Variants in NRN1L observed in about 807,000 individuals in gnomAD.
NRN1L encodes the protein neuritin-like protein.
Under a neutral mutation model 8.8 loss-of-function variants are expected in NRN1L, and 12 were observed. The observed-to-expected ratio is 1.36, with a 90% CI of 0.87 to 2.20. NRN1L has a LOEUF of 2.20. Among genes scored for constraint, NRN1L ranks in the 30% most tolerant of loss-of-function variants. NRN1L has a pLI of 0.00. For synonymous variants in NRN1L, 114 were observed against 99.2 expected (o/e 1.15, Z -0.88); for missense variants, 266 against 232.4 (o/e 1.14, Z -0.94).
Position 67,886,286 on chromosome 16 carries a change from T to G in NRN1L, c.*27T>G, listed in dbSNP as rs1228397914. The G allele has an allele frequency of 1.9e-6, 3 of 1,551,706 alleles. No individual in the cohort carries two copies. In the Admixed American group the frequency reaches 5.5e-5, roughly 28 times the overall value. ...TTGTTGGGTTGGGTAGCAGCGCCCG[T>G]ACCTCCAGCCCTGCTCTGGCGGTGG... On this transcript the variant is annotated 3_prime_UTR_variant, in exon 3 of 3. Coordinates refer to ENST00000339176, the MANE Select transcript of NRN1L (RefSeq NM_198443.2).
intron 1 of NRN1L, chr16:67,885,489 C>T: frequency 1.9e-6 from 1 of 526,500 alleles, no homozygotes; most frequent in Non-Finnish European, 3.3e-6. Flanking sequence ...AAGAGCTGAC[C>T]TGGGGTACAC....
chr16:67,885,113 G>A, intron 1 of NRN1L, 131 bp downstream of exon 1: 2 of 731,196 alleles, frequency 2.7e-6, no homozygotes, highest in Non-Finnish European at 4.6e-6. Context: ...AAGGTGTGCT[G>A]GTGACTTCAG....
In NRN1L at chr16:67,886,148, A is replaced by C. The variant is rs757241838; in HGVS notation, c.387A>C (p.Glu129Asp). 1 of 1,610,920 alleles carries C rather than the reference A, an allele frequency of 6.2e-7. No homozygotes were observed. The highest frequency in any genetic ancestry group is 8.5e-7 in the Non-Finnish European group (1 of 1,179,702). Residue 129 changes from glutamate (E) to aspartate (D), a missense_variant, in exon 3 of 3, where the codon GAA becomes GAC. Transcript: ENST00000339176. ...TTCGGGAGCGCGGCACAGGCTCCGA[A>C]ACCAACCAGGAGACGCTGCGGGCTA... ...VHVRERGTGS[E>D]TNQETLRATA... is the part of the protein sequence containing the mutation.
chr16:67,885,204 G>A, intron 1 of NRN1L: 3 of 599,934 alleles, frequency 5.0e-6, no homozygotes, highest in Non-Finnish European at 8.9e-6. Flanking sequence ...GATAAAGGGA[G>A]ACATGCCAAT....
chr16:67,886,861 G>C (rs981197190), downstream of NRN1L, among the ~76,000 whole-genome samples: 5 of 152,172 alleles, frequency 3.3e-5, no homozygotes, highest in Admixed American at 3.3e-4. Flanking sequence ...GTCTATCTGA[G>C]GGAGGCCTGT....
At chr16:67,885,909 C>T in intron 2 of NRN1L, 55 bp downstream of exon 2, 1 of 1,582,786 alleles carries the variant, frequency 6.3e-7, no homozygotes. Flanking sequence ...GGGACTGAAC[C>T]TTTTATTTCC....
At position 67,885,840 on chromosome 16, in the gene NRN1L, G is replaced by A; in HGVS notation, c.198G>A (p.Leu66=). Residue 66 remains leucine, a synonymous_variant, in exon 2 of 3, where the codon CTG becomes CTA. Transcript: ENST00000339176. The stretch of plus-strand genomic sequence containing the variant: ...ACAGCATGGGCCGCGGAGGCGAGCT[G>A]GAGACCATCTGCAGGTACCGGCGGG... ...LGDSMGRGGE[L]ETICRSWNDF... 1.3e-6 allele frequency: 2 copies of A among 1,577,248 alleles called. No homozygotes were observed. The highest frequency in any genetic ancestry group is 1.7e-6 in the Non-Finnish European group (2 of 1,162,114).
In NRN1L at chr16:67,884,893, C is replaced by G. The variant is rs750287946; in HGVS notation, c.-11C>G. ...AAGCAGCTAGCTCCTGCACTAGGCT[C>G]TCAGCCAGGGATGATGCGCTGCTGC... is the stretch of plus-strand genomic sequence containing the variant. On this transcript the variant is annotated 5_prime_UTR_variant, in exon 1 of 3. Transcript: ENST00000339176. The surrounding 1 kb of genome is among the most constrained non-coding windows in gnomAD (Gnocchi z 4.1). 3 of 1,603,474 alleles carry G rather than the reference C, an allele frequency of 1.9e-6. No homozygotes were observed. The highest frequency in any genetic ancestry group is 2.5e-6 in the Non-Finnish European group (3 of 1,179,530).
Position 67,885,711 on chromosome 16 carries a change from C to G in NRN1L, c.80-11C>G. 1 of 1,504,310 alleles carries G rather than the reference C, an allele frequency of 6.6e-7. No individual in the cohort carries two copies. The highest frequency in any genetic ancestry group is 1.2e-5 in the South Asian group (1 of 83,764). 93.2% of individuals were successfully genotyped at this position (1,504,310 alleles called of 1,614,324 possible). ...CATTCCTTCCCCACCCCACCCCCGC[C>G]CCACTTCTAGTCCTTTTACCTCCCC... is the stretch of plus-strand genomic sequence containing the variant. On this transcript the variant is annotated splice_polypyrimidine_tract_variant and intron_variant, in intron 1 of 2. Transcript: ENST00000339176.
Position 67,886,244 on chromosome 16 carries a change from G to T in NRN1L, c.483G>T (p.Leu161=), listed in dbSNP as rs771250600. 1 of 1,593,632 alleles carries T rather than the reference G, an allele frequency of 6.3e-7. No homozygotes were observed. The highest frequency in any genetic ancestry group is 1.1e-5 in the South Asian group (1 of 89,882). The change falls in exon 3 of 3, where the codon CTG becomes CTT. Residue 161 remains leucine (L), a synonymous_variant. Coordinates refer to ENST00000339176, the MANE Select transcript of NRN1L (RefSeq NM_198443.2). ...CTGCTCTGGCTCTGGCCTACCTCCT[G>T]AGGCCTCTGGCCTAGCTTGTTGGGT... is the stretch of plus-strand genomic sequence containing the variant. ...LAAALALAYL[L]RPLA
chr16:67,887,335 C>T (rs1651538281), downstream of NRN1L, among the ~76,000 whole-genome samples: 1 of 151,648 alleles, frequency 6.6e-6, no homozygotes, highest in Admixed American at 6.6e-5. Flanking sequence ...TGCAGTGGCA[C>T]AATCTCGGCT....
rs1453380529 is a variant in NRN1L at position 67,885,847 on chromosome 16, AT to A, written c.206del (p.Ile69ThrfsTer93). 6.3e-6 allele frequency: 10 copies of A among 1,576,030 alleles called. No individual in the cohort carries two copies. In the East Asian group the frequency reaches 2.2e-4, roughly 35 times the overall value. ...GGGCCGCGGAGGCGAGCTGGAGACC[AT>A]CTGCAGGTACCGGCGGGTGTGAGGC... ...SMGRGGELET[I>X]CRSWNDFHAC... On this transcript the variant is annotated frameshift_variant, in exon 2 of 3. Coordinates refer to ENST00000339176, the MANE Select transcript of NRN1L (RefSeq NM_198443.2). LOFTEE classifies it high-confidence loss of function.
At chr16:67,886,547 C>T (rs1440644916), downstream of NRN1L, among the ~76,000 whole-genome samples, 1 of 152,214 alleles carries the variant, frequency 6.6e-6, no homozygotes, top group African/African-American at 2.4e-5. Context: ...CCATTTCATG[C>T]AGGCCCCAAG....
chr16:67,886,372 A>G (rs953303070), downstream of NRN1L: 5 of 980,328 alleles, frequency 5.1e-6, no homozygotes, highest in Non-Finnish European at 7.3e-6. Flanking sequence ...ATTTGTAGTA[A>G]GCTCCTTCCT....
rs1567393195 is a variant in NRN1L, at chr16:67,884,921, CCGCCGCTGCTGCTGCCGG to C, written c.20_37del (p.Arg7_Arg12del). The C allele has an allele frequency of 1.2e-6, 2 of 1,606,060 alleles. No homozygotes were observed. Among genetic ancestry groups the C allele is most frequent in the East Asian group, 4.5e-5 (2 of 44,864 alleles). ...AGCCAGGGATGATGCGCTGCTGCCG[CCGCCGCTGCTGCTGCCGG>C]CAACCACCCCATGCCCTGAGGCCGT... On this transcript the variant is annotated inframe_deletion, in exon 1 of 3. Coordinates refer to ENST00000339176, the MANE Select transcript of NRN1L (RefSeq NM_198443.2). This position sits in a 1 kb window ranked among gnomAD's most constrained non-coding sequence, Gnocchi z 4.1.
Position 67,885,526 on chromosome 16 carries a change from C to T in NRN1L, c.80-196C>T, listed in dbSNP as rs570752311. On this transcript the variant is annotated intron_variant, in intron 1 of 2. Transcript: ENST00000339176. ...ACACCCCCTTCCCCTGTACAAATCC[C>T]AGTCTGGGTCCTACCTTGAAGGGGG... 8.7e-6 allele frequency: 5 copies of T among 572,196 alleles called. No individual in the cohort carries two copies. The South Asian group carries it at 8.9e-5, about 10-fold the overall frequency. 35.4% of individuals were successfully genotyped at this position (572,196 alleles called of 1,614,324 possible).
At position 67,886,203 on chromosome 16, in the gene NRN1L, C is replaced by T. The variant is rs547155777; in HGVS notation, c.442C>T (p.Pro148Ser). ...GCCTGCACTCCCCATGGCCCCTGCG[C>T]CCCCACTGCTGGCGGCTGCTCTGGC... is the stretch of plus-strand genomic sequence containing the variant. ...TAPALPMAPA[P>S]PLLAAALALA... The change falls in exon 3 of 3, where the codon CCC (proline) becomes TCC (serine). Residue 148 changes from proline to serine, a missense_variant. Physicochemically the swap from Pro to Ser is moderately conservative, Grantham distance 74. Transcript: ENST00000339176. 2.5e-6 allele frequency: 4 copies of T among 1,602,062 alleles called. No individual in the cohort carries two copies. In the South Asian group the frequency reaches 3.3e-5, roughly 13 times the overall value.
chr16:67,884,894 T>G lies in NRN1L; in HGVS notation c.-10T>G. 6.2e-7 allele frequency: 1 copy of G among 1,603,542 alleles called. No individual in the cohort carries two copies. The highest frequency in any genetic ancestry group is 1.7e-5 in the Admixed American group (1 of 59,986). ...AGCAGCTAGCTCCTGCACTAGGCTCTCAGCCAGGGATGATGCGCTGCTGCC... is the reference window on the plus strand; with the variant it reads ...AGCAGCTAGCTCCTGCACTAGGCTCGCAGCCAGGGATGATGCGCTGCTGCC... On this transcript the variant is annotated 5_prime_UTR_variant, in exon 1 of 3. Transcript: ENST00000339176. This position sits in a 1 kb window ranked among gnomAD's most constrained non-coding sequence, Gnocchi z 4.1.
Position 67,885,793 on chromosome 16 carries a change from G to A in NRN1L, c.151G>A (p.Glu51Lys), listed in dbSNP as rs139776238. The A allele has an allele frequency of 4.7e-5, 74 of 1,578,102 alleles. No homozygotes were observed. In the African/African-American group the frequency reaches 8.7e-4, roughly 19 times the overall value. ...RCDTIYQGFA[E>K]CLIRLGDSMG... ...TGACACCATATACCAGGGCTTCGCC[G>A]AGTGTCTCATCCGCTTGGGGGACAG... Residue 51 changes from glutamate to lysine, a missense_variant, in exon 2 of 3, where the codon GAG (glutamate) becomes AAG (lysine). Transcript: ENST00000339176.
Sources: allele counts gnomAD v4.1 joint callset (sites outside exome capture counted in the v4.1 genomes callset), GRCh38; gene constraint gnomAD v4.1.1; non-coding constraint Gnocchi (gnomAD v3.1); transcripts MANE v1.5; gene names NCBI Gene and HGNC (gene_info 2026-07-23, HGNC 2026-07-21).